MOB1A: variants seen among roughly 807,000 people sequenced by gnomAD.
MOB1A encodes the protein MOB kinase activator 1A.
MOB1A carries 10 observed loss-of-function variants against 25.1 expected under a neutral mutation model. That is an observed-to-expected ratio of 0.40 (90% confidence interval 0.25 to 0.68). MOB1A has a LOEUF of 0.68. Among genes scored for constraint, MOB1A ranks in the 30% least tolerant of loss-of-function variants. The pLI is 0.40. For missense variants in MOB1A, 177 were observed against 256.3 expected (o/e 0.69, Z 2.11); for synonymous variants, 81 against 79.5 (o/e 1.02, Z -0.10).
intron 2 of MOB1A, among the ~76,000 whole-genome samples, chr2:74,168,095 T>C (rs11902687): frequency 0.047 from 7,111 of 152,192 alleles, 552 homozygotes; most frequent in African/African-American, 0.16. Flanking sequence ...GCTGTGATGG[T>C]GCTACTGCAC....
intron 1 of MOB1A, among the ~76,000 whole-genome samples, chr2:74,177,076 G>A (rs947328054): frequency 6.6e-6 from 1 of 152,174 alleles, no homozygotes; most frequent in Non-Finnish European, 1.5e-5. Context: ...AGTCTCGGCC[G>A]AGTGCGGGAG....
chr2:74,177,670 A>T (rs1464525452), intron 1 of MOB1A, among the ~76,000 whole-genome samples: 2 of 134,554 alleles, frequency 1.5e-5, no homozygotes, highest in African/African-American at 7.3e-5. Flanking sequence ...TATAAAAAAT[A>T]AAAAAAAAAC....
intron 4 of MOB1A, among the ~76,000 whole-genome samples, chr2:74,161,051 C>T (rs1692956054): frequency 6.6e-6 from 1 of 152,150 alleles, no homozygotes; most frequent in Non-Finnish European, 1.5e-5. Context: ...CAGAGTGAGA[C>T]TCCATCTCAA....
In MOB1A at chr2:74,174,281, AAAAAG is replaced by A. The variant is rs1412199081; in HGVS notation, c.15-1534_15-1530del. ...TGAGACTCCGTCTCAAAAAAAAAAA[AAAAAG>A]AAAAGAAAAGAAAAAAGAAAATGGT... On this transcript the variant is annotated intron_variant, in intron 1 of 5. Coordinates refer to ENST00000396049, the MANE Select transcript of MOB1A (RefSeq NM_018221.5). 2.0e-4 allele frequency among the ~76,000 whole-genome samples: 30 copies of A among 151,578 alleles called. 1 individual carries two copies. Among genetic ancestry groups the A allele is most frequent in the Non-Finnish European group, 3.8e-4 (26 of 67,930 alleles).
In MOB1A at chr2:74,159,818, T is replaced by TC. The variant is rs59971449; in HGVS notation, c.410-565dup. ...TGTAGTTTTAGTTTTTTGTTTTTTG[T>TC]CCCCCCCCCCACCCCGGAGACTGAG... On this transcript the variant is annotated intron_variant, in intron 4 of 5. Transcript: ENST00000396049. Among the ~76,000 whole-genome samples the TC allele has an allele frequency of 1.9e-3, 189 of 98,666 alleles. 1 individual carries two copies. Among genetic ancestry groups the TC allele is most frequent in the Non-Finnish European group, 2.8e-3 (128 of 45,814 alleles). 64.7% of individuals were successfully genotyped at this position (98,666 alleles called of 152,430 possible). A position where few individuals can be genotyped will look rare whatever the true frequency, so the allele number is the denominator to read the frequency against.
At chr2:74,171,629 G>A (rs57669165) in intron 2 of MOB1A, among the ~76,000 whole-genome samples, 25,799 of 152,176 alleles carry the variant, frequency 0.17, 2,627 homozygotes, top group East Asian at 0.38. Context: ...TAGGCTGGGC[G>A]TGGTGGCTCA....
Position 74,156,350 on chromosome 2 carries a change from G to A in MOB1A, c.*218C>T. On this transcript the variant is annotated 3_prime_UTR_variant, in exon 6 of 6. Coordinates refer to ENST00000396049, the MANE Select transcript of MOB1A (RefSeq NM_018221.5). ...ATGACTATGTGATAACAACAAGAGT[G>A]GTCACACAGTACTTAAGATTTGGCT... 1 of 537,988 alleles carries A rather than the reference G, an allele frequency of 1.9e-6. No individual in the cohort carries two copies. The highest frequency in any genetic ancestry group is 3.3e-6 in the Non-Finnish European group (1 of 304,152). 33.3% of individuals were successfully genotyped at this position (537,988 alleles called of 1,614,324 possible).
At chr2:74,167,252 T>C (rs898196799) in intron 2 of MOB1A, 145 bp from the exon 3 acceptor site, 4 of 613,612 alleles carry the variant, frequency 6.5e-6, no homozygotes, top group Non-Finnish European at 1.2e-5. Context: ...TAACTTGTAG[T>C]ATACTACACT....
At chr2:74,164,777 C>T (rs771524504) in intron 4 of MOB1A, 1 of 138,566 alleles carries the variant, frequency 7.2e-6, no homozygotes, top group Admixed American at 7.2e-5. Flanking sequence ...AGAAAACACA[C>T]AATGATCAAT....
chr2:74,178,754 C>A lies in MOB1A; in HGVS notation c.-80G>T. 2 of 645,374 alleles carry A rather than the reference C, an allele frequency of 3.1e-6. No individual in the cohort carries two copies. The highest frequency in any genetic ancestry group is 7.1e-5 in the South Asian group (1 of 14,076). 40.0% of individuals were successfully genotyped at this position (645,374 alleles called of 1,614,324 possible). A position where few individuals can be genotyped will look rare whatever the true frequency, so the allele number is the denominator to read the frequency against. On this transcript the variant is annotated 5_prime_UTR_variant, in exon 1 of 6. Transcript: ENST00000396049. ...TCGGAGCTGGCTAGAGGGAGCGGAC[C>A]GTCCTTAGCTCACGGGCAGCGGAAG...
intron 2 of MOB1A, among the ~76,000 whole-genome samples, chr2:74,168,259 G>C (rs904051279): frequency 6.6e-6 from 1 of 152,202 alleles, no homozygotes. Flanking sequence ...CTTCCTGAGG[G>C]AGCTTCAGCT....
intron 4 of MOB1A, among the ~76,000 whole-genome samples, chr2:74,162,359 G>A (rs564907275): frequency 1.3e-5 from 2 of 152,206 alleles, no homozygotes; most frequent in Admixed American, 6.5e-5. Flanking sequence ...GTGGGCGCCT[G>A]TAGTCCCAGC....
chr2:74,156,516 T>A lies in MOB1A; in HGVS notation c.*52A>T. On this transcript the variant is annotated 3_prime_UTR_variant, in exon 6 of 6. Transcript: ENST00000396049. ...TAGTCTATAACAGATAGCAATGAGA[T>A]AGTTCTAGCAATAGATGAAGCAAGG... The A allele has an allele frequency of 7.9e-7, 1 of 1,263,004 alleles. No individual in the cohort carries two copies. The highest frequency in any genetic ancestry group is 1.1e-6 in the Non-Finnish European group (1 of 884,576). 78.2% of individuals were successfully genotyped at this position (1,263,004 alleles called of 1,614,324 possible).
intron 2 of MOB1A, among the ~76,000 whole-genome samples, chr2:74,170,108 A>C (rs1693244030): frequency 6.6e-6 from 1 of 151,242 alleles, no homozygotes; most frequent in Admixed American, 6.6e-5. Flanking sequence ...ACAGATGATA[A>C]TCTGAATAAA....
chr2:74,172,908 T>C (rs185777398), intron 1 of MOB1A, 156 bp from the exon 2 acceptor site: 8 of 752,374 alleles, frequency 1.1e-5, no homozygotes, highest in Admixed American at 4.9e-5. Context: ...TCCCAGCACT[T>C]TGGGATCACC....
At chr2:74,176,083 TACACACACAC>T (rs58496712) in intron 1 of MOB1A, among the ~76,000 whole-genome samples, 1,315 of 129,302 alleles carry the variant, frequency 0.01, 14 homozygotes, top group East Asian at 0.041. Flanking sequence ...CCGCCTCTAC[TACACACACAC>T]ACACACACAC....
At chr2:74,165,771 A>C (rs1356303396) in intron 3 of MOB1A, among the ~76,000 whole-genome samples, 1 of 152,082 alleles carries the variant, frequency 6.6e-6, no homozygotes, top group African/African-American at 2.4e-5. Context: ...CAGGTGTTAG[A>C]GATATACATT....
In MOB1A at chr2:74,155,174, A is replaced by AT. The variant is rs1692768722; in HGVS notation, c.*1393_*1394insA. ...GCCAGTTTGGCAAGTCTTCCAGTAT[A>AT]ATACTTGTTGTGCCTCAGTACATTT... On this transcript the variant is annotated 3_prime_UTR_variant, in exon 6 of 6. Transcript: ENST00000396049. The AT allele has an allele frequency of 6.6e-6, 1 of 152,550 alleles. No individual in the cohort carries two copies. The highest frequency in any genetic ancestry group is 6.5e-5 in the Admixed American group (1 of 15,282). 9.4% of individuals were successfully genotyped at this position (152,550 alleles called of 1,614,324 possible).
chr2:74,178,645 G>A lies in MOB1A; in HGVS notation c.14+16C>T. ...TCGGCCCGCAGGCCCGGCGCCCGCG[G>A]CCCGACCCCACTCACAAGAGGAAGC... On this transcript the variant is annotated intron_variant, in intron 1 of 5. Transcript: ENST00000396049. 3.6e-6 allele frequency: 5 copies of A among 1,382,632 alleles called. No homozygotes were observed. Among genetic ancestry groups the A allele is most frequent in the South Asian group, 1.7e-5 (1 of 58,764 alleles). The allele number at this position is 1,382,632 out of a possible 1,614,324, so 85.6% of individuals were successfully genotyped here.
Sources: allele counts gnomAD v4.1 joint callset (sites outside exome capture counted in the v4.1 genomes callset), GRCh38; gene constraint gnomAD v4.1.1; transcripts MANE v1.5; gene names NCBI Gene and HGNC (gene_info 2026-07-23, HGNC 2026-07-21).